GHR: variants seen among roughly 807,000 people sequenced by gnomAD.
GHR encodes growth hormone receptor.
A neutral mutation model predicts 67.1 loss-of-function variants in GHR; 35 were observed. The observed-to-expected ratio is 0.52, with a 90% CI of 0.40 to 0.69. The LOEUF is 0.69. Among genes scored for constraint, GHR ranks in the 30% least tolerant of loss-of-function variants. The pLI is 0.00. For synonymous variants in GHR, 272 were observed against 269.1 expected (o/e 1.01, Z -0.10); for missense variants, 792 against 764.6 (o/e 1.04, Z -0.42).
chr5:42,676,169 C>T (rs960243696), intron 3 of GHR, among the ~76,000 whole-genome samples: 3 of 152,114 alleles, frequency 2.0e-5, no homozygotes, highest in African/African-American at 7.2e-5. Context: ...CCTGTAGTCC[C>T]AGCTACTCAG....
At chr5:42,583,351 A>C (rs1579992653) in intron 2 of GHR, among the ~76,000 whole-genome samples, 1 of 149,624 alleles carries the variant, frequency 6.7e-6, no homozygotes, top group East Asian at 1.9e-4. Context: ...CATTCAGTCA[A>C]CTAGGCCCTT....
At chr5:42,517,517 C>A (rs1747291354) in intron 1 of GHR, among the ~76,000 whole-genome samples, 1 of 152,174 alleles carries the variant, frequency 6.6e-6, no homozygotes, top group African/African-American at 2.4e-5. Flanking sequence ...GAATAGCATG[C>A]ATGTGTAACT....
In GHR at chr5:42,443,301, A is replaced by G. The variant is rs147471668; in HGVS notation, c.-12+19346A>G. 2.5e-3 allele frequency among the ~76,000 whole-genome samples: 382 copies of G among 152,342 alleles called. 2 individuals carry two copies. The highest frequency in any genetic ancestry group is 0.017 in the South Asian group (80 of 4,828). ...CTCAGTGAGAAGGATCATCACTGCC[A>G]GATTTCCTAGTTAGGAAAACTTACC... is the stretch of plus-strand genomic sequence containing the variant. On this transcript the variant is annotated intron_variant, in intron 1 of 9. Transcript: ENST00000230882.
intron 1 of GHR, among the ~76,000 whole-genome samples, chr5:42,518,398 G>A (rs1747334441): frequency 6.6e-6 from 1 of 151,986 alleles, no homozygotes; most frequent in Non-Finnish European, 1.5e-5. Context: ...TTCTCCTTTT[G>A]GTATGGAAGA....
At chr5:42,577,500 A>C (rs1348744262) in intron 2 of GHR, among the ~76,000 whole-genome samples, 2 of 152,210 alleles carry the variant, frequency 1.3e-5, no homozygotes, top group Admixed American at 6.5e-5. Context: ...AGTTGTGTAC[A>C]TGACTGCAGA....
intron 1 of GHR, among the ~76,000 whole-genome samples, chr5:42,543,567 T>C (rs1748609150): frequency 6.6e-6 from 1 of 152,176 alleles, no homozygotes; most frequent in East Asian, 1.9e-4. Flanking sequence ...CTGGCATCTG[T>C]TGTTACTAAA....
intron 1 of GHR, among the ~76,000 whole-genome samples, chr5:42,474,337 G>GAAAGAAAGAAAGAA (rs1280195955): frequency 2.4e-5 from 1 of 41,786 alleles, no homozygotes; most frequent in Non-Finnish European, 5.5e-5. Flanking sequence ...AAGAAAGAAA[G>GAAAGAAAGAAAGAA]AAAAGAAATA....
chr5:42,433,347 A>T (rs1743177581), intron 1 of GHR, among the ~76,000 whole-genome samples: 1 of 152,192 alleles, frequency 6.6e-6, no homozygotes, highest in African/African-American at 2.4e-5. Flanking sequence ...AAATATGTTG[A>T]ATAAATAAGT....
intron 1 of GHR, among the ~76,000 whole-genome samples, chr5:42,480,727 T>G (rs1429896865): frequency 6.6e-6 from 1 of 152,212 alleles, no homozygotes; most frequent in African/African-American, 2.4e-5. Context: ...TTTTTCTGTT[T>G]TCCATTTGCT....
chr5:42,514,205 T>G, intron 1 of GHR: 1 of 985,272 alleles, frequency 1.0e-6, no homozygotes, highest in South Asian at 4.7e-5. Flanking sequence ...TACCTACAAG[T>G]GCCTTCTGGG....
chr5:42,442,671 T>C (rs1378582502), intron 1 of GHR, among the ~76,000 whole-genome samples: 1 of 152,188 alleles, frequency 6.6e-6, no homozygotes, highest in East Asian at 1.9e-4. Context: ...TATTTCTGGG[T>C]GTAGGGCCCA....
At chr5:42,485,267 A>AG (rs1279251374) in intron 1 of GHR, among the ~76,000 whole-genome samples, 1 of 152,186 alleles carries the variant, frequency 6.6e-6, no homozygotes, top group African/African-American at 2.4e-5. Context: ...TCCATCCGGT[A>AG]AATTTTCTCT....
intron 1 of GHR, among the ~76,000 whole-genome samples, chr5:42,561,523 A>G (rs1163392792): frequency 1.3e-5 from 2 of 152,210 alleles, no homozygotes; most frequent in Admixed American, 1.3e-4. Context: ...GAACTGTTTT[A>G]TAGCCAAAGA....
rs771736629 is a variant in GHR at position 42,689,013 on chromosome 5, C to T, written c.260C>T (p.Thr87Ile). 5 of 1,613,432 alleles carry T rather than the reference C, an allele frequency of 3.1e-6. No homozygotes were observed. The highest frequency in any genetic ancestry group is 4.2e-6 in the Non-Finnish European group (5 of 1,179,400). ...KNLGPIQLFY[T>I]RRNTQEWTQE... ...CTAGGACCCATACAGCTGTTCTATA[C>T]CAGAAGGTGCCACCATCATGCCTTT... Residue 87 changes from threonine (T) to isoleucine (I), a missense_variant, in exon 4 of 10, where the codon ACC becomes ATC. Thr to Ile is a moderately conservative substitution (Grantham distance 89). Coordinates refer to ENST00000230882, the MANE Select transcript of GHR (RefSeq NM_000163.5).
intron 2 of GHR, among the ~76,000 whole-genome samples, chr5:42,585,032 G>A (rs542720470): frequency 2.7e-4 from 41 of 152,268 alleles, no homozygotes; most frequent in African/African-American, 9.1e-4. Context: ...TTCTATGAAC[G>A]TCAGTTGTGC....
intron 2 of GHR, among the ~76,000 whole-genome samples, chr5:42,569,550 C>A (rs2112492319): frequency 6.6e-6 from 1 of 152,142 alleles, no homozygotes; most frequent in South Asian, 2.1e-4. Context: ...CAGTAATAGT[C>A]CTCAATATTG....
intron 3 of GHR, among the ~76,000 whole-genome samples, chr5:42,687,202 C>T (rs368398772): frequency 1.3e-5 from 2 of 152,126 alleles, no homozygotes; most frequent in East Asian, 3.8e-4. Context: ...AAAACATCCT[C>T]ATGGATAGGA....
At chr5:42,461,176 C>A (rs1197462889) in intron 1 of GHR, among the ~76,000 whole-genome samples, 1 of 152,160 alleles carries the variant, frequency 6.6e-6, no homozygotes, top group African/African-American at 2.4e-5. Flanking sequence ...GACACAGCTG[C>A]CCCTTGTAAT....
chr5:42,680,512 CTT>C (rs1176303744), intron 3 of GHR, among the ~76,000 whole-genome samples: 3 of 145,618 alleles, frequency 2.1e-5, no homozygotes, highest in Non-Finnish European at 4.6e-5. Flanking sequence ...TTGCAAAACA[CTT>C]TTTTTTTTAG....
Sources: gnomAD v4.1 joint callset for allele counts (sites outside exome capture counted in the v4.1 genomes callset) on GRCh38, gnomAD v4.1.1 for gene constraint, MANE v1.5 for transcripts, NCBI Gene and HGNC (gene_info 2026-07-23, HGNC 2026-07-21) for gene names.